Variants in ANO7 observed in about 807,000 individuals in gnomAD.
The protein encoded by ANO7 is anoctamin-7.
A neutral mutation model predicts 115.8 loss-of-function variants in ANO7; 114 were observed. That is an observed-to-expected ratio of 0.98 (90% CI 0.85 to 1.15). The LOEUF (loss-of-function observed/expected upper bound fraction) is 1.15. ANO7 is among the 50% of genes most tolerant of loss of function. The pLI, the probability that ANO7 is intolerant of heterozygous loss-of-function variation, is 0.00. For synonymous variants in ANO7, 550 were observed against 498.2 expected, an observed-to-expected ratio of 1.10 and a Z score of -1.38; for missense variants, 1,302 against 1,201.2, an observed-to-expected ratio of 1.08 and a Z score of -1.24.
the ANO7 span, chr2:241,240,188 G>T: frequency 6.6e-7 from 1 of 1,510,450 alleles, no homozygotes; most frequent in South Asian, 1.1e-5. This position sits in a 1 kb window ranked among gnomAD's most constrained non-coding sequence, Gnocchi z 5.5. Flanking sequence ...AGGAAGACAA[G>T]AGGGTCTGTA....
chr2:241,228,076 C>G (rs1203249378), downstream of ANO7: 5 of 152,260 alleles, frequency 3.3e-5, no homozygotes, highest in Admixed American at 2.6e-4. Context: ...GAATTCGAGT[C>G]TGAAGATGAC....
chr2:241,220,731 C>A (rs960194235), intron 21 of ANO7, among the ~76,000 whole-genome samples: 2 of 152,196 alleles, frequency 1.3e-5, no homozygotes, highest in African/African-American at 4.8e-5. Flanking sequence ...ATCCAGGAGG[C>A]AGAGCTTTCA....
At chr2:241,230,936 G>C (rs2069666580), downstream of ANO7, 1 of 1,612,180 alleles carries the variant, frequency 6.2e-7, no homozygotes. The surrounding 1 kb of genome is among the most constrained non-coding windows in gnomAD (Gnocchi z 5.0). Context: ...TGGTAATTTG[G>C]TCCTGGGGCT....
At chr2:241,238,820 A>G in the ANO7 span, 2 of 1,466,710 alleles carry the variant, frequency 1.4e-6, no homozygotes, top group Non-Finnish European at 1.8e-6. The surrounding 1 kb of genome is among the most constrained non-coding windows in gnomAD (Gnocchi z 4.9). Context: ...AAAAGAAAAG[A>G]GCAAAGATTA....
intron 8 of ANO7, among the ~76,000 whole-genome samples, chr2:241,202,802 G>C (rs1401564166): frequency 6.6e-6 from 1 of 152,222 alleles, no homozygotes; most frequent in Non-Finnish European, 1.5e-5. Flanking sequence ...TGGCCGAGCA[G>C]GGGAGGGGCC....
At position 241,203,247 on chromosome 2, in the gene ANO7, G is replaced by A; in HGVS notation, c.724-86G>A. ...CAGACTCCCAGGCCTGTCTGCCCAT[G>A]TCCCACACTGAAGCCCCTGCACCTA... On this transcript the variant is annotated intron_variant, in intron 8 of 24. Coordinates refer to ENST00000674324, the MANE Select transcript of ANO7 (RefSeq NM_001370694.2). This position sits in a 1 kb window ranked among gnomAD's most constrained non-coding sequence, Gnocchi z 4.8. The A allele has an allele frequency of 3.5e-6, 4 of 1,128,520 alleles. No homozygotes were observed. The highest frequency in any genetic ancestry group is 4.8e-6 in the Non-Finnish European group (4 of 828,042). 69.9% of individuals were successfully genotyped at this position (1,128,520 alleles called of 1,614,324 possible).
intron 4 of ANO7, chr2:241,198,959 G>A (rs2068405105): frequency 6.2e-6 from 2 of 322,546 alleles, no homozygotes; most frequent in South Asian, 6.6e-5. Flanking sequence ...AAAACCAAAA[G>A]CTGGAGGCAC....
chr2:241,234,700 TG>T, the ANO7 span, among the ~76,000 whole-genome samples: 5 of 152,132 alleles, frequency 3.3e-5, no homozygotes, highest in Non-Finnish European at 5.9e-5. Flanking sequence ...TGCCAGAGGT[TG>T]GGGGGGTTTC....
chr2:241,191,787 A>G (rs551281059), intron 3 of ANO7, among the ~76,000 whole-genome samples: 17 of 151,314 alleles, frequency 1.1e-4, no homozygotes, highest in Admixed American at 9.9e-4. Context: ...AAAAAAAATC[A>G]CAAGTGTTGA....
chr2:241,192,698 A>G (rs2149105415), intron 3 of ANO7, among the ~76,000 whole-genome samples: 1 of 152,320 alleles, frequency 6.6e-6, no homozygotes, highest in South Asian at 2.1e-4. Flanking sequence ...AGATGACTAG[A>G]TAAGCAAAAT....
rs767728490 is a variant in ANO7, at chr2:241,216,156, T to A, written c.1890T>A (p.Ser630=). The change falls in exon 19 of 25, where the codon TCT becomes TCA. Residue 630 remains serine, a synonymous_variant. Transcript: ENST00000674324. Reference sequence around the variant, plus strand: ...CCAAGAAGAGGAAGGCGGGAGCTTCTGCAGGGGCTAGCCAGGGGCCCTGGG... The same window carrying A: ...CCAAGAAGAGGAAGGCGGGAGCTTCAGCAGGGGCTAGCCAGGGGCCCTGGG... ...LRSKKRKAGA[S]AGASQGPWED... 5 of 1,613,254 alleles carry A rather than the reference T, an allele frequency of 3.1e-6. No individual in the cohort carries two copies. The Admixed American group carries it at 5.0e-5, about 16-fold the overall frequency.
chr2:241,196,994 C>G (rs1353244582), intron 4 of ANO7, among the ~76,000 whole-genome samples: 1 of 152,202 alleles, frequency 6.6e-6, no homozygotes, highest in Non-Finnish European at 1.5e-5. Context: ...TCGGCAGTGG[C>G]CTGAGGCCCC....
chr2:241,205,076 G>C, intron 10 of ANO7, 121 bp downstream of exon 10: 1 of 781,258 alleles, frequency 1.3e-6, no homozygotes. Flanking sequence ...TGATTGAGGT[G>C]TGAGGTGAGC....
In ANO7 at chr2:241,199,439, G is replaced by A. The variant is rs1243029280; in HGVS notation, c.417+16G>A. 3 of 1,612,852 alleles carry A rather than the reference G, an allele frequency of 1.9e-6. No homozygotes were observed. In the African/African-American group the frequency reaches 4.0e-5, roughly 22 times the overall value. On this transcript the variant is annotated intron_variant, in intron 5 of 24. Transcript: ENST00000674324. ...GCCCTTGCAGGTACGTGGGAGGCAT[G>A]GGGACAGGGTGGGCCTGGAGGTCCC...
At chr2:241,233,832 G>A in the ANO7 span, 36,880 of 1,614,026 alleles carry the variant, frequency 0.023, 6,162 homozygotes, top group African/African-American at 0.39. The surrounding 1 kb of genome is among the most constrained non-coding windows in gnomAD (Gnocchi z 4.3). Context: ...GGTTCCCATC[G>A]TCCTTATCAG....
the ANO7 span, chr2:241,236,367 G>A: frequency 1.9e-6 from 1 of 539,300 alleles, no homozygotes; most frequent in Non-Finnish European, 3.3e-6. Flanking sequence ...GGCCTGAGAG[G>A]CCGGATCCCA....
the ANO7 span, chr2:241,238,327 C>G: frequency 9.4e-4 from 182 of 194,446 alleles, 2 homozygotes; most frequent in South Asian, 0.022. The surrounding 1 kb of genome is among the most constrained non-coding windows in gnomAD (Gnocchi z 4.9). Context: ...GGGGCTCATG[C>G]GATCCAAACG....
chr2:241,191,765 T>C (rs1559437639), intron 3 of ANO7, among the ~76,000 whole-genome samples: 1 of 131,810 alleles, frequency 7.6e-6, no homozygotes, highest in Admixed American at 8.9e-5. Flanking sequence ...CCCACTAGGA[T>C]GGCTACTACT....
At chr2:241,234,025 C>A in the ANO7 span, 1 of 1,578,152 alleles carries the variant, frequency 6.3e-7, no homozygotes, top group East Asian at 2.2e-5. Context: ...TGACTCCATT[C>A]CCCTTCCACC....
Sources: allele counts gnomAD v4.1 joint callset (sites outside exome capture counted in the v4.1 genomes callset), GRCh38; gene constraint gnomAD v4.1.1; non-coding constraint Gnocchi (gnomAD v3.1); transcripts MANE v1.5; gene names NCBI Gene and HGNC (gene_info 2026-07-23, HGNC 2026-07-21).